LRPAP1: variants seen among roughly 807,000 people sequenced by gnomAD.
LRPAP1 encodes the protein LDL receptor related protein associated protein 1, also known as alpha-2-macroglobulin receptor-associated protein.
LRPAP1 carries 41 observed loss-of-function variants against 39.9 expected under a neutral mutation model. That is an observed-to-expected ratio of 1.03 (90% CI 0.80 to 1.33). The LOEUF (loss-of-function observed/expected upper bound fraction) is 1.33, where lower values mean the gene tolerates loss of function less well. Among genes scored for constraint, LRPAP1 ranks in the 40% most tolerant of loss-of-function variants. The pLI is 0.00. For missense variants in LRPAP1, 565 were observed against 482.3 expected, an observed-to-expected ratio of 1.17 and a Z score of -1.61; for synonymous variants, 263 against 212.7, an observed-to-expected ratio of 1.24 and a Z score of -2.06.
Position 3,510,208 on chromosome 4 carries a change from C to T in LRPAP1, c.*2766G>A, listed in dbSNP as rs200446935. On this transcript the variant is annotated 3_prime_UTR_variant, in exon 8 of 8. Coordinates refer to ENST00000650182, the MANE Select transcript of LRPAP1 (RefSeq NM_002337.4). Reference sequence around the variant, plus strand: ...GTAGTTTGGGAGGCTGAGACAGGAGCATCACTTGAGCCCAGATCAAGACCT... The same window carrying T: ...GTAGTTTGGGAGGCTGAGACAGGAGTATCACTTGAGCCCAGATCAAGACCT... The T allele has an allele frequency of 9.9e-5, 15 of 152,200 alleles. No individual in the cohort carries two copies. In the East Asian group the frequency reaches 2.7e-3, roughly 27 times the overall value. The allele number at this position is 152,200 out of a possible 1,614,324, so 9.4% of individuals were successfully genotyped here. A position where few individuals can be genotyped will look rare whatever the true frequency, so the allele number is the denominator to read the frequency against.
At chr4:3,529,705 T>A (rs1730189977) in intron 1 of LRPAP1, among the ~76,000 whole-genome samples, 1 of 152,180 alleles carries the variant, frequency 6.6e-6, no homozygotes, top group South Asian at 2.1e-4. Flanking sequence ...GGGTCTCGCC[T>A]GATGAAAGCG....
chr4:3,519,093 C>T (rs895871737), intron 3 of LRPAP1, 102 bp from the exon 4 acceptor site: 4 of 1,526,820 alleles, frequency 2.6e-6, no homozygotes, highest in African/African-American at 1.4e-5. Flanking sequence ...CCCTTGCCTA[C>T]GTGAGTGCCA....
Position 3,520,076 on chromosome 4 carries a change from T to G in LRPAP1, c.467A>C (p.His156Pro), listed in dbSNP as rs1347274405. Reference protein sequence around the residue: ...LDDPRLEKLWHKAKTSGKFSG... With the variant: ...LDDPRLEKLWPKAKTSGKFSG... ...ATGCAAACAATCGAAGAGTACCTTG[T>G]GCCACAGCTTTTCCAGCCTGGGGTC... The change falls in exon 3 of 8, where the codon CAC (histidine) becomes CCC (proline). Residue 156 changes from histidine (H) to proline (P), a missense_variant. Physicochemically the swap from His to Pro is moderately conservative, Grantham distance 77 (BLOSUM62 -2). Transcript: ENST00000650182. The G allele has an allele frequency of 1.2e-6, 2 of 1,613,986 alleles. No homozygotes were observed. Among genetic ancestry groups the G allele is most frequent in the Non-Finnish European group, 8.5e-7 (1 of 1,180,018 alleles).
chr4:3,511,278 A>G lies in LRPAP1; in HGVS notation c.*1696T>C, dbSNP rs548046018. 19 of 147,878 alleles carry G rather than the reference A, an allele frequency of 1.3e-4. No homozygotes were observed. Among genetic ancestry groups the G allele is most frequent in the African/African-American group, 4.8e-4 (19 of 39,738 alleles). 9.2% of individuals were successfully genotyped at this position (147,878 alleles called of 1,614,324 possible). A position where few individuals can be genotyped will look rare whatever the true frequency, so the allele number is the denominator to read the frequency against. On this transcript the variant is annotated 3_prime_UTR_variant, in exon 8 of 8. Coordinates refer to ENST00000650182, the MANE Select transcript of LRPAP1 (RefSeq NM_002337.4). ...CGAGTGTTCACCACAGCTATTTCCA[A>G]GTGAGTGTTATTACCCCAGAAAGGA... is the stretch of plus-strand genomic sequence containing the variant.
intron 5 of LRPAP1, among the ~76,000 whole-genome samples, chr4:3,517,460 T>C (rs1729750455): frequency 6.6e-6 from 1 of 152,172 alleles, no homozygotes; most frequent in Non-Finnish European, 1.5e-5. Flanking sequence ...AGGTACAGAA[T>C]CGGAAGCTGC....
At chr4:3,531,794 T>G (rs1038847027) in intron 1 of LRPAP1, among the ~76,000 whole-genome samples, 1 of 152,280 alleles carries the variant, frequency 6.6e-6, no homozygotes, top group African/African-American at 2.4e-5. Flanking sequence ...CTTCTGTCCC[T>G]GGACACGTCT....
intron 1 of LRPAP1, chr4:3,531,844 GGA>G (rs1247541013): frequency 3.3e-6 from 1 of 306,830 alleles, no homozygotes; most frequent in East Asian, 6.8e-5. Context: ...CCCCACATAG[GGA>G]GATAAGGTTG....
At chr4:3,519,904 G>C (rs1215205679) in intron 3 of LRPAP1, among the ~76,000 whole-genome samples, 168 bp downstream of exon 3, 1 of 152,228 alleles carries the variant, frequency 6.6e-6, no homozygotes, top group African/African-American at 2.4e-5. Flanking sequence ...AAGCTGAAAA[G>C]ATTCACAGAA....
chr4:3,519,457 C>G (rs932919945), intron 3 of LRPAP1, among the ~76,000 whole-genome samples: 1 of 152,246 alleles, frequency 6.6e-6, no homozygotes, highest in Non-Finnish European at 1.5e-5. Context: ...CTGCCCCCTT[C>G]TACCGACTCC....
At position 3,505,266 on chromosome 4, in the gene LRPAP1, G is replaced by GT. The variant is rs939263088; in HGVS notation, c.*7707dup. ...TCCCGCAGCGGCTGCGGTGGCAGTG[G>GT]TGGGGGAGCAGGCATGGCACCCGGA... On this transcript the variant is annotated 3_prime_UTR_variant, in exon 8 of 8. Coordinates refer to ENST00000650182, the MANE Select transcript of LRPAP1 (RefSeq NM_002337.4). Among the ~76,000 whole-genome samples, 2 of 152,212 alleles carry GT rather than the reference G, an allele frequency of 1.3e-5. No homozygotes were observed. Among genetic ancestry groups the GT allele is most frequent in the African/African-American group, 4.8e-5 (2 of 41,462 alleles).
At chr4:3,529,222 C>G (rs1199880129) in intron 1 of LRPAP1, among the ~76,000 whole-genome samples, 9 of 152,048 alleles carry the variant, frequency 5.9e-5, no homozygotes, top group Non-Finnish European at 1.3e-4. Context: ...ACTCAGGAGG[C>G]TGAGGCACGA....
chr4:3,526,557 G>A (rs1164640609), intron 1 of LRPAP1, among the ~76,000 whole-genome samples: 1 of 152,196 alleles, frequency 6.6e-6, no homozygotes, highest in Non-Finnish European at 1.5e-5. Flanking sequence ...CCAGTGTCCC[G>A]CAGCCCGCGC....
chr4:3,519,004 C>A lies in LRPAP1; in HGVS notation c.472-13G>T. 1 of 1,611,960 alleles carries A rather than the reference C, an allele frequency of 6.2e-7. No homozygotes were observed. The highest frequency in any genetic ancestry group is 8.5e-7 in the Non-Finnish European group (1 of 1,178,740). On this transcript the variant is annotated splice_polypyrimidine_tract_variant and intron_variant, in intron 3 of 7. Transcript: ENST00000650182. ...CAGAGGTCTTCGCCTAAGAGGGAAA[C>A]AAGGCCTGGAGTGAACCCGCCGCGG... is the stretch of plus-strand genomic sequence containing the variant.
Position 3,525,035 on chromosome 4 carries a change from A to G in LRPAP1, c.221T>C (p.Val74Ala), listed in dbSNP as rs55856346. ...ATCAGCGTGGAGCTCGGCCAGCCTC[A>G]CGGGAGGAAGATGCAGCTGCGAACG... ...EKAQRLHLPP[V>A]RLAELHADLK... Residue 74 changes from valine to alanine, a missense_variant, in exon 2 of 8, where the codon GTG becomes GCG. By Grantham distance (64) the Val-to-Ala change is moderately conservative (BLOSUM62 0). Coordinates refer to ENST00000650182, the MANE Select transcript of LRPAP1 (RefSeq NM_002337.4). 6.2e-7 allele frequency: 1 copy of G among 1,613,928 alleles called. No homozygotes were observed. Among genetic ancestry groups the G allele is most frequent in the Non-Finnish European group, 8.5e-7 (1 of 1,180,002 alleles).
rs1180170214 is a variant in LRPAP1 at position 3,514,836 on chromosome 4, C to T, written c.927G>A (p.Glu309=). Residue 309 remains glutamate, a synonymous_variant, in exon 7 of 8, where the codon GAG becomes GAA. Transcript: ENST00000650182. Reference sequence around the variant, plus strand: ...TCACACGCTCGCCGTCGCCCACGCTCTCTGCGTGCCTCAGCTTCTCGTGCG... The same window carrying T: ...TCACACGCTCGCCGTCGCCCACGCTTTCTGCGTGCCTCAGCTTCTCGTGCG... ...EIAHEKLRHA[E]SVGDGERVSR... is the part of the protein sequence containing the mutation. 4 of 1,613,742 alleles carry T rather than the reference C, an allele frequency of 2.5e-6. No homozygotes were observed. Among genetic ancestry groups the T allele is most frequent in the Non-Finnish European group, 3.4e-6 (4 of 1,179,916 alleles).
At position 3,512,411 on chromosome 4, in the gene LRPAP1, TGGCTTTAAATCA is replaced by T. The variant is rs1729555962; in HGVS notation, c.*551_*562del. ...CCCTCAAACTCAACTCAAGCGCTCTTGGCTTTAAATCAGGCCGGGCCGTCTCACGGGAAAAGG... is the reference window on the plus strand; with the variant it reads ...CCCTCAAACTCAACTCAAGCGCTCTTGGCCGGGCCGTCTCACGGGAAAAGG... On this transcript the variant is annotated 3_prime_UTR_variant, in exon 8 of 8. Coordinates refer to ENST00000650182, the MANE Select transcript of LRPAP1 (RefSeq NM_002337.4). 6.5e-6 allele frequency: 1 copy of T among 153,932 alleles called. No homozygotes were observed. Among genetic ancestry groups the T allele is most frequent in the South Asian group, 2.0e-4 (1 of 4,922 alleles). The allele number at this position is 153,932 out of a possible 1,614,324, so 9.5% of individuals were successfully genotyped here.
At chr4:3,530,135 G>T (rs111772594) in intron 1 of LRPAP1, among the ~76,000 whole-genome samples, 3 of 152,292 alleles carry the variant, frequency 2.0e-5, no homozygotes, top group African/African-American at 4.8e-5. Flanking sequence ...CCCTACGTTT[G>T]AACTGACTGT....
chr4:3,529,778 C>T (rs1730194458), intron 1 of LRPAP1, among the ~76,000 whole-genome samples: 1 of 152,228 alleles, frequency 6.6e-6, no homozygotes, highest in African/African-American at 2.4e-5. Context: ...CCATCAAAGG[C>T]AAAGGTTTCC....
intron 5 of LRPAP1, among the ~76,000 whole-genome samples, chr4:3,517,392 C>T (rs915165373): frequency 2.4e-4 from 37 of 152,262 alleles, no homozygotes; most frequent in African/African-American, 8.4e-4. Flanking sequence ...CTGCTGTCTC[C>T]TCGAGCCTAG....
Sources: gnomAD v4.1 joint callset for allele counts (sites outside exome capture counted in the v4.1 genomes callset) on GRCh38, gnomAD v4.1.1 for gene constraint, MANE v1.5 for transcripts, NCBI Gene and HGNC (gene_info 2026-07-23, HGNC 2026-07-21) for gene names.